TRPC4AP: variants seen among roughly 807,000 people sequenced by gnomAD.
The protein encoded by TRPC4AP is transient receptor potential cation channel subfamily C member 4 associated protein.
Under a neutral mutation model 99.0 loss-of-function variants are expected in TRPC4AP, and 45 were observed. The ratio of observed to expected loss-of-function variants is 0.45; its 90% confidence interval spans 0.36 to 0.58. The LOEUF (loss-of-function observed/expected upper bound fraction) is 0.58, where lower values mean the gene tolerates loss of function less well. Among genes scored for constraint, TRPC4AP ranks in the 20% least tolerant of loss-of-function variants. The probability of loss-of-function intolerance (pLI) is 0.00; values close to 1 mark genes in which losing one functional copy is unlikely to be tolerated. For missense variants in TRPC4AP, 879 were observed against 985.3 expected, an observed-to-expected ratio of 0.89 and a Z score of 1.44; for synonymous variants, 408 against 385.8, an observed-to-expected ratio of 1.06 and a Z score of -0.67.
At chr20:35,045,967 C>T (rs980312894) in intron 6 of TRPC4AP, among the ~76,000 whole-genome samples, 1 of 152,178 alleles carries the variant, frequency 6.6e-6, no homozygotes, top group Non-Finnish European at 1.5e-5. Context: ...CTGTGCCTGA[C>T]CCTTTCTTCT....
chr20:35,047,151 C>T (rs1187470890), intron 6 of TRPC4AP, among the ~76,000 whole-genome samples: 1 of 151,836 alleles, frequency 6.6e-6, no homozygotes, highest in Non-Finnish European at 1.5e-5. Context: ...GCATGAGAGC[C>T]ACTGTGGCTG....
At position 35,024,825 on chromosome 20, in the gene TRPC4AP, C is replaced by CAAA. The variant is rs778161091; in HGVS notation, c.1052-3472_1052-3470dup. Among the ~76,000 whole-genome samples, 244 of 35,772 alleles carry CAAA rather than the reference C, an allele frequency of 6.8e-3. 18 individuals are homozygous for CAAA. The highest frequency in any genetic ancestry group is 0.027 in the African/African-American group (232 of 8,674). 23.5% of individuals were successfully genotyped at this position (35,772 alleles called of 152,430 possible). ...CCTAGGTGACAGAGAGAGACCGTCT[C>CAAA]AAAAAAAAAAAAAAAAAAAAAAAAA... On this transcript the variant is annotated intron_variant, in intron 8 of 18. Transcript: ENST00000252015.
intron 2 of TRPC4AP, among the ~76,000 whole-genome samples, chr20:35,072,581 C>T (rs1267069678): frequency 2.0e-5 from 3 of 152,144 alleles, no homozygotes; most frequent in African/African-American, 7.2e-5. Flanking sequence ...TGTCAAAGAT[C>T]GGACAGTTGT....
intron 2 of TRPC4AP, among the ~76,000 whole-genome samples, chr20:35,075,247 GCC>G (rs1353036982): frequency 6.6e-6 from 1 of 152,088 alleles, no homozygotes; most frequent in Non-Finnish European, 1.5e-5. Context: ...GGAGCATTTA[GCC>G]CATTTACATT....
At chr20:35,057,189 T>A (rs2083854501) in intron 4 of TRPC4AP, among the ~76,000 whole-genome samples, 2 of 151,692 alleles carry the variant, frequency 1.3e-5, no homozygotes, top group Admixed American at 6.6e-5. Flanking sequence ...AAAAATAGTT[T>A]AAAAAAAATA....
intron 8 of TRPC4AP, among the ~76,000 whole-genome samples, chr20:35,026,508 AC>A (rs1340752138): frequency 6.6e-6 from 1 of 152,092 alleles, no homozygotes; most frequent in Non-Finnish European, 1.5e-5. Context: ...GAGTCACTGT[AC>A]CCGGCCTAGT....
At chr20:35,072,383 T>C (rs2084343945) in intron 2 of TRPC4AP, among the ~76,000 whole-genome samples, 1 of 151,742 alleles carries the variant, frequency 6.6e-6, no homozygotes, top group South Asian at 2.1e-4. Context: ...TAGTATTGCC[T>C]AGATTTTCTT....
rs944127975 is a variant in TRPC4AP at position 35,041,641 on chromosome 20, A to C, written c.865+2864T>G. On this transcript the variant is annotated intron_variant, in intron 7 of 18. Coordinates refer to ENST00000252015, the MANE Select transcript of TRPC4AP (RefSeq NM_015638.3). Reference sequence around the variant, plus strand: ...CAGAACAGTTCATTCCTCAAGAATAATGGGTAATGCTGGTTTTACTTAAGT... The same window carrying C: ...CAGAACAGTTCATTCCTCAAGAATACTGGGTAATGCTGGTTTTACTTAAGT... Among the ~76,000 whole-genome samples, 4 of 152,354 alleles carry C rather than the reference A, an allele frequency of 2.6e-5. No individual in the cohort carries two copies. In the South Asian group the frequency reaches 6.2e-4, roughly 24 times the overall value.
chr20:35,032,696 T>G (rs550603900), intron 8 of TRPC4AP, among the ~76,000 whole-genome samples: 1 of 151,632 alleles, frequency 6.6e-6, no homozygotes, highest in African/African-American at 2.4e-5. Flanking sequence ...ATAGTCTCGA[T>G]CTCCTGACCT....
At chr20:35,084,759 T>TATGTATATATGTTTATATGC (rs2084787369) in intron 1 of TRPC4AP, among the ~76,000 whole-genome samples, 1 of 146,614 alleles carries the variant, frequency 6.8e-6, no homozygotes, top group South Asian at 2.1e-4. Context: ...TATGCATATA[T>TATGTATATATGTTTATATGC]ATGTATATGT....
At chr20:35,072,305 T>G (rs1217138241) in intron 2 of TRPC4AP, among the ~76,000 whole-genome samples, 2 of 152,246 alleles carry the variant, frequency 1.3e-5, no homozygotes, top group Non-Finnish European at 2.9e-5. Context: ...ATTTGCCAAT[T>G]CTGGCTTTTG....
chr20:35,058,048 C>T (rs968650874), intron 3 of TRPC4AP, among the ~76,000 whole-genome samples: 5 of 151,912 alleles, frequency 3.3e-5, no homozygotes, highest in African/African-American at 1.2e-4. Context: ...TTAAAATAAG[C>T]ATGTATTTAA....
intron 5 of TRPC4AP, among the ~76,000 whole-genome samples, chr20:35,053,731 T>C (rs1360103311): frequency 1.3e-5 from 2 of 152,202 alleles, no homozygotes; most frequent in Admixed American, 1.3e-4. Context: ...ATCTCATTAA[T>C]AATTAATTAT....
chr20:35,010,748 G>A (rs956360358), intron 11 of TRPC4AP, among the ~76,000 whole-genome samples: 2 of 152,116 alleles, frequency 1.3e-5, no homozygotes, highest in Admixed American at 1.3e-4. Context: ...GCTGGGTCCT[G>A]TGTTCCCAGG....
At chr20:35,008,402 A>T (rs1197949896) in intron 13 of TRPC4AP, among the ~76,000 whole-genome samples, 2 of 152,160 alleles carry the variant, frequency 1.3e-5, no homozygotes, top group Non-Finnish European at 2.9e-5. Context: ...CAGGGCCCGT[A>T]TCCTAGTTCT....
intron 7 of TRPC4AP, 127 bp downstream of exon 7, chr20:35,044,378 T>A: frequency 2.1e-6 from 2 of 939,376 alleles, no homozygotes; most frequent in South Asian, 3.7e-5. Context: ...GGTGACATAG[T>A]GACGATCCCA....
rs2082522215 is a variant in TRPC4AP at position 35,006,553 on chromosome 20, T to G, written c.1709A>C (p.Asp570Ala). The G allele has an allele frequency of 6.2e-7, 1 of 1,614,076 alleles. No individual in the cohort carries two copies. Among genetic ancestry groups the G allele is most frequent in the African/African-American group, 1.3e-5 (1 of 74,920 alleles). Residue 570 changes from aspartate (D) to alanine (A), a missense_variant, in exon 15 of 19, where the codon GAC becomes GCC. By Grantham distance (126) the Asp-to-Ala change is moderately radical. Around this residue, in one of 3 missense-constraint regions of TRPC4AP, gnomAD observed 52 missense variants for 88.7 expected, o/e 0.59. Transcript: ENST00000252015. Reference sequence around the variant, plus strand: ...CACATCCCTTGACTTACACTCGCTGTCCACAATGCAGTAAAGGATGTGCTG... The same window carrying G: ...CACATCCCTTGACTTACACTCGCTGGCCACAATGCAGTAAAGGATGTGCTG... ...LLEHILYCIVDSECKSRDVLQ... is the reference protein window; with the variant it reads ...LLEHILYCIVASECKSRDVLQ...
chr20:35,030,112 A>G (rs1028392194), intron 8 of TRPC4AP, among the ~76,000 whole-genome samples: 2 of 151,288 alleles, frequency 1.3e-5, no homozygotes, highest in Non-Finnish European at 3.0e-5. Context: ...ATGGTGGCAC[A>G]TGCCTGTAAT....
intron 4 of TRPC4AP, among the ~76,000 whole-genome samples, chr20:35,056,444 T>A (rs1340747729): frequency 6.6e-6 from 1 of 151,942 alleles, no homozygotes; most frequent in Non-Finnish European, 1.5e-5. Context: ...TGAGGGTACA[T>A]AGAGAACATG....
Sources: gnomAD v4.1 joint callset for allele counts (sites outside exome capture counted in the v4.1 genomes callset) on GRCh38, gnomAD v4.1.1 for gene constraint, gnomAD v4.1.1 regional missense constraint, MANE v1.5 for transcripts, NCBI Gene and HGNC (gene_info 2026-07-23, HGNC 2026-07-21) for gene names.